Variants in BRD4 observed in about 807,000 individuals in gnomAD.
The protein encoded by BRD4 is bromodomain containing 4.
BRD4 carries 16 observed loss-of-function variants against 142.1 expected under a neutral mutation model. That is an observed-to-expected ratio of 0.11 (90% confidence interval 0.08 to 0.17). The LOEUF (loss-of-function observed/expected upper bound fraction) is 0.17. Ranked by LOEUF, BRD4 falls within the 10% of genes least tolerant of loss-of-function variation. BRD4 has a pLI of 1.00. For missense variants in BRD4, 1,424 were observed against 1,810.9 expected (o/e 0.79, Z 3.88); for synonymous variants, 833 against 707.5 (o/e 1.18, Z -2.82).
intron 1 of BRD4, among the ~76,000 whole-genome samples, chr19:15,305,021 ATCT>A (rs1443604154): frequency 7.0e-6 from 1 of 142,598 alleles, no homozygotes; most frequent in African/African-American, 2.7e-5. Context: ...AATTAAGACC[ATCT>A]TTTTTTTTTT....
chr19:15,295,009 T>G (rs1311150479), intron 1 of BRD4, among the ~76,000 whole-genome samples: 2 of 152,222 alleles, frequency 1.3e-5, no homozygotes, highest in African/African-American at 4.8e-5. Flanking sequence ...ATACTACTAC[T>G]TTGTGCTGTT....
chr19:15,251,363 C>T (rs1005459191), intron 11 of BRD4, among the ~76,000 whole-genome samples: 15 of 139,956 alleles, frequency 1.1e-4, no homozygotes, highest in Admixed American at 7.5e-4. Flanking sequence ...GTCAGCGGAA[C>T]TAACCCCGTA....
intron 7 of BRD4, among the ~76,000 whole-genome samples, chr19:15,259,801 CAGAA>C (rs1161642869): frequency 6.6e-6 from 1 of 152,174 alleles, no homozygotes; most frequent in Non-Finnish European, 1.5e-5. Context: ...TAGCTGGAAA[CAGAA>C]AGGTGAATGA....
At chr19:15,252,692 C>A (rs1173113677) in intron 11 of BRD4, among the ~76,000 whole-genome samples, 1 of 152,154 alleles carries the variant, frequency 6.6e-6, no homozygotes, top group Non-Finnish European at 1.5e-5. Flanking sequence ...AGGATGGCGA[C>A]AGGGAAGGCC....
At chr19:15,279,029 T>C (rs1029018255) in intron 1 of BRD4, among the ~76,000 whole-genome samples, 1 of 152,154 alleles carries the variant, frequency 6.6e-6, no homozygotes, top group Admixed American at 6.5e-5. Context: ...TTAGTAGAGA[T>C]GGGGTTTCTC....
intron 1 of BRD4, among the ~76,000 whole-genome samples, chr19:15,304,745 C>T (rs1001334213): frequency 2.0e-5 from 3 of 152,140 alleles, no homozygotes; most frequent in Admixed American, 6.6e-5. Flanking sequence ...ATTCCGACCT[C>T]ACAAGAACCT....
chr19:15,330,564 G>C (rs1015627334), intron 1 of BRD4, among the ~76,000 whole-genome samples: 2 of 152,088 alleles, frequency 1.3e-5, no homozygotes, highest in African/African-American at 2.4e-5. Context: ...TCAGGAGTTC[G>C]AGACCAGCCT....
At chr19:15,288,774 G>A (rs1279936620) in intron 1 of BRD4, among the ~76,000 whole-genome samples, 1 of 152,162 alleles carries the variant, frequency 6.6e-6, no homozygotes, top group Admixed American at 6.5e-5. Flanking sequence ...GGAGGGCTGA[G>A]TTCTAAGCAC....
At chr19:15,308,358 G>A (rs1599512411) in intron 1 of BRD4, among the ~76,000 whole-genome samples, 1 of 151,662 alleles carries the variant, frequency 6.6e-6, no homozygotes, top group East Asian at 2.0e-4. Context: ...GGAGGCCCAG[G>A]CGGGTGAATT....
At chr19:15,330,490 G>C (rs2048147567) in intron 1 of BRD4, among the ~76,000 whole-genome samples, 1 of 152,200 alleles carries the variant, frequency 6.6e-6, no homozygotes, top group African/African-American at 2.4e-5. Flanking sequence ...TGGCGGCCGG[G>C]AACGGTGGCT....
intron 11 of BRD4, among the ~76,000 whole-genome samples, chr19:15,249,668 T>C (rs2047323936): frequency 6.6e-6 from 1 of 152,172 alleles, no homozygotes; most frequent in Non-Finnish European, 1.5e-5. Flanking sequence ...GCCCCTGCCC[T>C]GTCCCACCAG....
intron 1 of BRD4, among the ~76,000 whole-genome samples, chr19:15,297,446 C>G (rs1054823686): frequency 6.6e-6 from 1 of 152,132 alleles, no homozygotes; most frequent in Non-Finnish European, 1.5e-5. Context: ...TGCCACCGAA[C>G]CCCCCCAAAC....
chr19:15,268,790 G>A (rs2047558592), intron 3 of BRD4, 115 bp downstream of exon 3: 2 of 1,205,970 alleles, frequency 1.7e-6, no homozygotes, highest in African/African-American at 3.1e-5. Context: ...CCTCTTGCCA[G>A]ACTCCAAGCC....
intron 11 of BRD4, chr19:15,253,755 G>A (rs2145563473): frequency 6.3e-7 from 1 of 1,598,372 alleles, no homozygotes; most frequent in Non-Finnish European, 8.5e-7. Context: ...AAGGCCCTGG[G>A]GACACGAAGT....
chr19:15,310,962 G>A (rs139681877), intron 1 of BRD4, among the ~76,000 whole-genome samples: 13 of 152,066 alleles, frequency 8.5e-5, no homozygotes, highest in East Asian at 7.8e-4. Context: ...GCAGGCTTCC[G>A]CACCCACGTT....
intron 1 of BRD4, among the ~76,000 whole-genome samples, chr19:15,323,229 A>T (rs1011367941): frequency 6.8e-6 from 1 of 147,594 alleles, no homozygotes; most frequent in East Asian, 2.0e-4. Flanking sequence ...TAAAATCCAG[A>T]TTCTGATCAA....
intron 1 of BRD4, among the ~76,000 whole-genome samples, chr19:15,301,684 A>C (rs1399834937): frequency 1.3e-5 from 2 of 151,540 alleles, no homozygotes; most frequent in Non-Finnish European, 1.5e-5. Context: ...ACACAGTGAA[A>C]CCTCATCTCT....
rs201785680 is a variant in BRD4 at position 15,237,762 on chromosome 19, C to T, written c.*615G>A. ...GATGCCATGGACACACACACCTCCA[C>T]GGCACTATTCCCTTTTGCACAAGCA... On this transcript the variant is annotated 3_prime_UTR_variant, in exon 20 of 20. Coordinates refer to ENST00000679869, the MANE Select transcript of BRD4 (RefSeq NM_001379291.1). 2 of 232,744 alleles carry T rather than the reference C, an allele frequency of 8.6e-6. No individual in the cohort carries two copies. Among genetic ancestry groups the T allele is most frequent in the East Asian group, 6.0e-5 (1 of 16,548 alleles). 14.4% of individuals were successfully genotyped at this position (232,744 alleles called of 1,614,324 possible).
intron 7 of BRD4, among the ~76,000 whole-genome samples, chr19:15,261,880 C>A (rs1364855871): frequency 6.6e-6 from 1 of 151,980 alleles, no homozygotes; most frequent in East Asian, 1.9e-4. Context: ...CAGAATGACA[C>A]CCCGTTTCCA....
Sources: allele counts gnomAD v4.1 joint callset (sites outside exome capture counted in the v4.1 genomes callset), GRCh38; gene constraint gnomAD v4.1.1; transcripts MANE v1.5; gene names NCBI Gene and HGNC (gene_info 2026-07-23, HGNC 2026-07-21).